The following FAM72A variants were observed in gnomAD, a reference collection of about 807,000 sequenced individuals.
FAM72A encodes regulator of UNG2 and MKLN1 interacting yippee protein 1, also known as protein FAM72A.
FAM72A carries 1 observed loss-of-function variant against 11.3 expected under a neutral mutation model. The observed-to-expected ratio is 0.09, with a 90% CI of 0.03 to 0.42. The LOEUF (loss-of-function observed/expected upper bound fraction) is 0.42. FAM72A is among the 10% of genes least tolerant of loss of function. The pLI is 0.98. For missense variants in FAM72A, 15 were observed against 135.5 expected (o/e 0.11, Z 4.41); for synonymous variants, 5 against 46.9 (o/e 0.11, Z 3.65).
chr1:206,187,710 G>A (rs1427844917), intron 3 of FAM72A, among the ~76,000 whole-genome samples: 3 of 151,916 alleles, frequency 2.0e-5, no homozygotes, highest in South Asian at 2.1e-4. Flanking sequence ...GACTACAGGC[G>A]TGTACTACCA....
chr1:206,193,559 A>G (rs1357316363), intron 3 of FAM72A, among the ~76,000 whole-genome samples: 1 of 152,182 alleles, frequency 6.6e-6, no homozygotes, highest in Non-Finnish European at 1.5e-5. Context: ...TTTCATAGCT[A>G]GAGAGGAGAA....
chr1:206,198,981 C>T (rs1571536854), intron 2 of FAM72A, among the ~76,000 whole-genome samples: 3 of 150,692 alleles, frequency 2.0e-5, no homozygotes, highest in Admixed American at 2.0e-4. Context: ...ACTCAGGAGG[C>T]TGAGGCAGGA....
intron 2 of FAM72A, among the ~76,000 whole-genome samples, chr1:206,198,139 G>A (rs536667413): frequency 0.029 from 4,438 of 150,602 alleles, 91 homozygotes; most frequent in Non-Finnish European, 0.043. Context: ...CAAGGCAGGC[G>A]GACTGCCTGA....
upstream of FAM72A, chr1:206,203,801 C>T (rs1553300019): frequency 4.4e-5 from 68 of 1,532,546 alleles, no homozygotes; most frequent in Non-Finnish European, 5.9e-5. Context: ...TCAGACCGCC[C>T]CCCCTCCACC....
At chr1:206,203,840 A>C (rs533650800), upstream of FAM72A, 554 of 1,514,968 alleles carry the variant, frequency 3.7e-4, 1 homozygote, top group African/African-American at 5.5e-3. Context: ...ACAGCCCATA[A>C]TACTTCTCAG....
chr1:206,205,732 C>G, upstream of FAM72A: 1 of 574,488 alleles, frequency 1.7e-6, no homozygotes, highest in Non-Finnish European at 3.2e-6. Flanking sequence ...GGCTGCGGCT[C>G]CGGCTCTAGC....
At chr1:206,191,447 T>C (rs1456815964) in intron 3 of FAM72A, among the ~76,000 whole-genome samples, 2 of 145,466 alleles carry the variant, frequency 1.4e-5, no homozygotes, top group African/African-American at 2.6e-5. Context: ...GGTGAAACCC[T>C]GTCTCTACTA....
At chr1:206,203,446 T>C (rs1179510852), upstream of FAM72A, 49 of 410,088 alleles carry the variant, frequency 1.2e-4, no homozygotes, top group Middle Eastern at 6.3e-4. Context: ...CTATTGGCTA[T>C]GGGCCCCATC....
chr1:206,187,135 T>A lies in FAM72A; in HGVS notation c.*144A>T, dbSNP rs1343021869. 1 of 1,086,060 alleles carries A rather than the reference T, an allele frequency of 9.2e-7. No individual in the cohort carries two copies. Among genetic ancestry groups the A allele is most frequent in the African/African-American group, 1.6e-5 (1 of 62,066 alleles). The allele number at this position is 1,086,060 out of a possible 1,614,324, so 67.3% of individuals were successfully genotyped here. A position where few individuals can be genotyped will look rare whatever the true frequency, so the allele number is the denominator to read the frequency against. ...CTTCAATCAAACTGAGGTAACTAAT[T>A]AGAGACGGAAAATAAATAAATCAAC... On this transcript the variant is annotated 3_prime_UTR_variant, in exon 4 of 4. Coordinates refer to ENST00000367128, the MANE Select transcript of FAM72A (RefSeq NM_001123168.3).
intron 3 of FAM72A, among the ~76,000 whole-genome samples, chr1:206,191,686 T>A (rs1443190358): frequency 6.8e-6 from 1 of 148,100 alleles, no homozygotes; most frequent in African/African-American, 2.6e-5. Flanking sequence ...TTTTTTTTTT[T>A]TAAAAGAATT....
In FAM72A at chr1:206,202,165, GT is replaced by G. The variant is rs1553299360; in HGVS notation, c.-141del. 8 of 927,372 alleles carry G rather than the reference GT, an allele frequency of 8.6e-6. No homozygotes were observed. The highest frequency in any genetic ancestry group is 4.1e-5 in the Admixed American group (1 of 24,342). The allele number at this position is 927,372 out of a possible 1,614,324, so 57.4% of individuals were successfully genotyped here. On this transcript the variant is annotated 5_prime_UTR_variant, in exon 1 of 4. Transcript: ENST00000367128. The stretch of plus-strand genomic sequence containing the variant: ...AGTCCTAATATTGGGAAGGAAATTA[GT>G]TTTTTTTTCTGTTTTCCCGGTGGCG...
Position 206,191,894 on chromosome 1 carries a change from G to T in FAM72A, c.355+3858C>A, listed in dbSNP as rs189382133. ...TGACCTCAAGTGATCATTGGTCTTG[G>T]CCTCCCAAAGTGTGGGATTACAGGT... On this transcript the variant is annotated intron_variant, in intron 3 of 3. Coordinates refer to ENST00000367128, the MANE Select transcript of FAM72A (RefSeq NM_001123168.3). Among the ~76,000 whole-genome samples the T allele has an allele frequency of 4.1e-3, 617 of 150,886 alleles. 11 individuals carry two copies. Among genetic ancestry groups the T allele is most frequent in the African/African-American group, 0.015 (598 of 40,906 alleles).
chr1:206,203,556 G>C (rs782400453), upstream of FAM72A: 35 of 577,246 alleles, frequency 6.1e-5, no homozygotes, highest in Non-Finnish European at 1.0e-4. Flanking sequence ...CTGGGGCACC[G>C]ATCTGCGTAG....
chr1:206,203,800 C>T (rs782037569), upstream of FAM72A: 7 of 1,532,704 alleles, frequency 4.6e-6, no homozygotes, highest in Non-Finnish European at 6.2e-6. Flanking sequence ...CTCAGACCGC[C>T]CCCCCTCCAC....
At chr1:206,191,704 T>G (rs1664806459) in intron 3 of FAM72A, among the ~76,000 whole-genome samples, 2 of 146,260 alleles carry the variant, frequency 1.4e-5, no homozygotes, top group East Asian at 1.9e-4. Flanking sequence ...ATTGGTAGTG[T>G]ACTTTCTTAC....
chr1:206,200,614 G>A, intron 1 of FAM72A, among the ~76,000 whole-genome samples: 1 of 131,960 alleles, frequency 7.6e-6, no homozygotes, highest in Non-Finnish European at 1.6e-5. Context: ...TTAAATTTGT[G>A]TATGAGCTAC....
At chr1:206,193,570 G>C (rs1328707776) in intron 3 of FAM72A, among the ~76,000 whole-genome samples, 8 of 152,182 alleles carry the variant, frequency 5.3e-5, no homozygotes, top group African/African-American at 1.9e-4. Context: ...GAGAGGAGAA[G>C]TAATACTTGG....
At chr1:206,191,904 G>T (rs1664827328) in intron 3 of FAM72A, among the ~76,000 whole-genome samples, 2 of 150,556 alleles carry the variant, frequency 1.3e-5, no homozygotes, top group South Asian at 4.2e-4. Context: ...GCCTCCCAAA[G>T]TGTGGGATTA....
chr1:206,197,180 A>G (rs1478084211), intron 2 of FAM72A, among the ~76,000 whole-genome samples: 1 of 152,142 alleles, frequency 6.6e-6, no homozygotes, highest in Non-Finnish European at 1.5e-5. Context: ...TTAAACTAAC[A>G]TTTATTGAGT....
Sources: gnomAD v4.1 joint callset for allele counts (sites outside exome capture counted in the v4.1 genomes callset) on GRCh38, gnomAD v4.1.1 for gene constraint, MANE v1.5 for transcripts, NCBI Gene and HGNC (gene_info 2026-07-23, HGNC 2026-07-21) for gene names.